Variants in WDPCP observed in about 807,000 individuals in gnomAD.
WDPCP encodes the protein WD repeat containing planar cell polarity effector.
In WDPCP, 71 loss-of-function variants were observed where a neutral mutation model predicts 93.1. That is an observed-to-expected ratio of 0.76 (90% CI 0.63 to 0.93). WDPCP has a LOEUF of 0.93. WDPCP is among the 40% of genes least tolerant of loss of function. The probability of loss-of-function intolerance (pLI) is 0.00; values close to 1 mark genes in which losing one functional copy is unlikely to be tolerated. For synonymous variants in WDPCP, 315 were observed against 315.0 expected (o/e 1.00, Z 0.00); for missense variants, 844 against 887.4 (o/e 0.95, Z 0.62).
At chr2:63,523,432 T>C (rs1049224872) in intron 1 of WDPCP, among the ~76,000 whole-genome samples, 13 of 152,072 alleles carry the variant, frequency 8.5e-5, no homozygotes, top group South Asian at 4.2e-4. Context: ...CTATTAAACA[T>C]AGCAATGGAA....
intron 14 of WDPCP, among the ~76,000 whole-genome samples, chr2:63,240,188 T>C (rs1679756011): frequency 6.6e-6 from 1 of 152,106 alleles, no homozygotes; most frequent in Non-Finnish European, 1.5e-5. Flanking sequence ...TAGTATTTTT[T>C]GTTTTTTATA....
At chr2:63,331,291 T>C (rs1687960051) in intron 12 of WDPCP, among the ~76,000 whole-genome samples, 1 of 152,218 alleles carries the variant, frequency 6.6e-6, no homozygotes, top group South Asian at 2.1e-4. Context: ...GTTCTTTTGT[T>C]GGTATGAAAT....
At chr2:63,433,442 A>T (rs943518797) in intron 9 of WDPCP, among the ~76,000 whole-genome samples, 8 of 152,200 alleles carry the variant, frequency 5.3e-5, no homozygotes, top group African/African-American at 1.9e-4. Flanking sequence ...CTCATTTATC[A>T]TCATGAACTG....
At chr2:63,345,407 T>C (rs1351559083) in intron 12 of WDPCP, among the ~76,000 whole-genome samples, 1 of 152,160 alleles carries the variant, frequency 6.6e-6, no homozygotes, top group East Asian at 1.9e-4. Context: ...CTGCAGTACA[T>C]GCAGTTGGCA....
intron 2 of WDPCP, among the ~76,000 whole-genome samples, chr2:63,653,639 G>A (rs185626704): frequency 2.0e-5 from 3 of 152,256 alleles, no homozygotes; most frequent in South Asian, 2.1e-4. Flanking sequence ...GGCCACACAC[G>A]TTGGCTCATG....
chr2:63,500,270 C>A (rs577832121), intron 1 of WDPCP, among the ~76,000 whole-genome samples: 79 of 152,062 alleles, frequency 5.2e-4, no homozygotes, highest in African/African-American at 1.8e-3. Flanking sequence ...AGAAGAGAGG[C>A]CTGGACTACA....
chr2:63,145,436 G>T (rs891912475), intron 17 of WDPCP, among the ~76,000 whole-genome samples: 1 of 152,180 alleles, frequency 6.6e-6, no homozygotes, highest in Non-Finnish European at 1.5e-5. Flanking sequence ...TGCTGTGCCT[G>T]CTGTGGCGGA....
intron 2 of WDPCP, chr2:63,752,173 T>C: frequency 1.5e-6 from 1 of 646,108 alleles, no homozygotes; most frequent in Non-Finnish European, 2.8e-6. Context: ...GTCATGGTCA[T>C]CAAAGCTTAT....
At chr2:63,198,750 G>A (rs1294848447) in intron 14 of WDPCP, among the ~76,000 whole-genome samples, 1 of 152,142 alleles carries the variant, frequency 6.6e-6, no homozygotes, top group Non-Finnish European at 1.5e-5. Context: ...AGCAGTGTGA[G>A]AAAGGACTAA....
intron 2 of WDPCP, among the ~76,000 whole-genome samples, chr2:63,761,209 A>G (rs1670050465): frequency 2.0e-5 from 3 of 152,160 alleles, no homozygotes; most frequent in East Asian, 3.8e-4. Flanking sequence ...GGTTTCTGAT[A>G]AAAGGATGAA....
At chr2:63,429,858 T>A (rs1696599766) in intron 9 of WDPCP, among the ~76,000 whole-genome samples, 3 of 151,926 alleles carry the variant, frequency 2.0e-5, no homozygotes. Context: ...AGAAAATAAA[T>A]CATTCTACCA....
chr2:63,259,394 C>CA lies in WDPCP; in HGVS notation c.1827dup (p.Ala610CysfsTer4). 1 of 1,611,164 alleles carries CA rather than the reference C, an allele frequency of 6.2e-7. No individual in the cohort carries two copies. Among genetic ancestry groups the CA allele is most frequent in the Non-Finnish European group, 8.5e-7 (1 of 1,179,282 alleles). ...AGTGCCAATTCACCTTTATCTAGTGCAAGGTAATGAATATCCTGAGGAAAT... is the reference window on the plus strand; with the variant it reads ...AGTGCCAATTCACCTTTATCTAGTGCAAAGGTAATGAATATCCTGAGGAAAT... On this transcript the variant is annotated frameshift_variant, in exon 14 of 18. Transcript: ENST00000272321. LOFTEE classifies it high-confidence loss of function.
At position 63,575,489 on chromosome 2, in the gene WDPCP, A is replaced by ACAGTATATACAGTGTATGCGCT. The variant is rs1257278044; in HGVS notation, c.75+12707_75+12708insAGCGCATACACTGTATATACTG. ...TATGCAGTATATACAGTGTATATAT[A>ACAGTATATACAGTGTATGCGCT]GTATATACAGTATATACACTGTATA... is the stretch of plus-strand genomic sequence containing the variant. On this transcript the variant is annotated intron_variant, in intron 1 of 17. Coordinates refer to ENST00000272321, the MANE Select transcript of WDPCP (RefSeq NM_015910.7). Among the ~76,000 whole-genome samples the ACAGTATATACAGTGTATGCGCT allele has an allele frequency of 4.2e-3, 72 of 17,306 alleles. 24 individuals are homozygous for ACAGTATATACAGTGTATGCGCT. Among genetic ancestry groups the ACAGTATATACAGTGTATGCGCT allele is most frequent in the Admixed American group, 0.011 (16 of 1,406 alleles). The allele number at this position is 17,306 out of a possible 152,430, so 11.4% of individuals were successfully genotyped here. A position where few individuals can be genotyped will look rare whatever the true frequency, so the allele number is the denominator to read the frequency against.
rs999956801 is a variant in WDPCP, at chr2:63,704,975, A to G, written n.309-54137T>C. Among the ~76,000 whole-genome samples the G allele has an allele frequency of 3.3e-5, 5 of 152,226 alleles. No individual in the cohort carries two copies. In the East Asian group the frequency reaches 5.8e-4, roughly 18 times the overall value. ...CTATTAATTATTGCCTCAATTTCAG[A>G]GCCTGTTATCAGTCTATTCAGAGAT... is the stretch of plus-strand genomic sequence containing the variant. On this transcript the variant is annotated intron_variant and non_coding_transcript_variant, in intron 2 of 4. Coordinates refer to the WDPCP transcript ENST00000467687.
At chr2:63,223,277 C>A (rs1341881476) in intron 14 of WDPCP, among the ~76,000 whole-genome samples, 1 of 152,022 alleles carries the variant, frequency 6.6e-6, no homozygotes, top group Non-Finnish European at 1.5e-5. Flanking sequence ...TGGATAATTT[C>A]TTATACACAG....
chr2:63,313,398 C>T (rs1236244175), intron 12 of WDPCP, 87 bp from the exon 13 acceptor site: 1 of 1,291,346 alleles, frequency 7.7e-7, no homozygotes, highest in Non-Finnish European at 1.1e-6. Context: ...ATCTGTGATA[C>T]TGTTTTTGTC....
chr2:63,332,408 T>C (rs1002104923), intron 12 of WDPCP, among the ~76,000 whole-genome samples: 1 of 152,118 alleles, frequency 6.6e-6, no homozygotes, highest in Non-Finnish European at 1.5e-5. Context: ...TGGTATTGTC[T>C]TTTAAATTTT....
intron 9 of WDPCP, among the ~76,000 whole-genome samples, chr2:63,406,082 G>T (rs1254436329): frequency 6.6e-6 from 1 of 151,970 alleles, no homozygotes; most frequent in South Asian, 2.1e-4. Context: ...ACTATTTCAA[G>T]ATTAAAAGTC....
chr2:63,450,358 C>T (rs1339215402), intron 6 of WDPCP, among the ~76,000 whole-genome samples: 1 of 152,130 alleles, frequency 6.6e-6, no homozygotes, highest in East Asian at 1.9e-4. Context: ...GTGGCAACCC[C>T]GCACTGCAGC....
Sources: gnomAD v4.1 joint callset for allele counts (sites outside exome capture counted in the v4.1 genomes callset) on GRCh38, gnomAD v4.1.1 for gene constraint, MANE v1.5 for transcripts, NCBI Gene and HGNC (gene_info 2026-07-23, HGNC 2026-07-21) for gene names.